Variants in CFAP92 observed in about 807,000 individuals in gnomAD.
CFAP92 encodes the protein uncharacterized protein CFAP92.
Under a neutral mutation model 106.3 loss-of-function variants are expected in CFAP92, and 86 were observed. The observed-to-expected ratio is 0.81, with a 90% CI of 0.68 to 0.97. The LOEUF (loss-of-function observed/expected upper bound fraction) is 0.97. Ranked by LOEUF, CFAP92 falls within the 50% of genes least tolerant of loss-of-function variation. The pLI, the probability that CFAP92 is intolerant of heterozygous loss-of-function variation, is 0.00. For synonymous variants in CFAP92, 477 were observed against 506.4 expected (o/e 0.94, Z 0.78); for missense variants, 1,204 against 1,283.8 (o/e 0.94, Z 0.95).
In CFAP92 at chr3:128,909,948, G is replaced by A; in HGVS notation, c.*351C>T. 1.0e-5 allele frequency: 16 copies of A among 1,588,506 alleles called. No homozygotes were observed. The highest frequency in any genetic ancestry group is 1.4e-5 in the Non-Finnish European group (16 of 1,167,250). On this transcript the variant is annotated 3_prime_UTR_variant, in exon 16 of 16. Transcript: ENST00000645291. ...ACAGGAGACTAAGACAGGCAAAGAT[G>A]CAGCCCAGGGAGGGACCATGTGGGG... is the stretch of plus-strand genomic sequence containing the variant.
At position 128,915,159 on chromosome 3, in the gene CFAP92, G is replaced by A. The variant is rs542804367; in HGVS notation, c.3240C>T (p.Phe1080=). The A allele has an allele frequency of 3.3e-6, 5 of 1,536,148 alleles. No homozygotes were observed. In the African/African-American group the frequency reaches 5.5e-5, roughly 17 times the overall value. ...DFDLYKKPPP[F]LELLPSPAPK... ...GTGCGGGCGAAGGGAGCAGCTCGAG[G>A]AAAGGTGGTGGTTTCTTGTACAGAT... The change falls in exon 15 of 16, where the codon TTC becomes TTT. Residue 1080 remains phenylalanine, a synonymous_variant. Transcript: ENST00000645291.
At position 128,945,415 on chromosome 3, in the gene CFAP92, G is replaced by A. The variant is rs536901237; in HGVS notation, c.1914C>T (p.Ile638=). The part of the protein sequence containing the change: ...ADSQLKLRVD[I]AVPLRAGARA... ...TGGCCCCGGCCCTCAGTGGCACCGC[G>A]ATGTCCACTCGCAACTTGAGCTGGG... The change falls in exon 10 of 16, where the codon ATC becomes ATT. Residue 638 remains isoleucine, a synonymous_variant. Coordinates refer to ENST00000645291, the MANE Select transcript of CFAP92 (RefSeq NM_001394090.1). 1.4e-5 allele frequency: 21 copies of A among 1,536,120 alleles called. No homozygotes were observed. The highest frequency in any genetic ancestry group is 9.6e-5 in the African/African-American group (7 of 73,146).
chr3:128,928,109 C>A (rs149683775), intron 12 of CFAP92, among the ~76,000 whole-genome samples: 1 of 151,766 alleles, frequency 6.6e-6, no homozygotes, highest in Non-Finnish European at 1.5e-5. Context: ...AAAAATTAGC[C>A]GGGAGTGGTG....
At chr3:129,008,573 T>C in the CFAP92 span, among the ~76,000 whole-genome samples, 2 of 152,252 alleles carry the variant, frequency 1.3e-5, no homozygotes, top group African/African-American at 4.8e-5. Flanking sequence ...CAACAGTATT[T>C]TCTAAGCACG....
chr3:128,933,410 GGA>G (rs1357916064), intron 11 of CFAP92, among the ~76,000 whole-genome samples: 1 of 152,168 alleles, frequency 6.6e-6, no homozygotes, highest in Admixed American at 6.5e-5. Context: ...GGAGGAGGCT[GGA>G]GAGAGAGTCC....
chr3:128,970,422 C>T (rs779846913), intron 8 of CFAP92: 6 of 151,944 alleles, frequency 3.9e-5, no homozygotes, highest in African/African-American at 7.3e-5. Context: ...AAAAGACCAA[C>T]GCACGCGCTT....
intron 7 of CFAP92, among the ~76,000 whole-genome samples, chr3:128,973,183 A>G (rs1354705559): frequency 6.6e-6 from 1 of 152,236 alleles, no homozygotes; most frequent in Non-Finnish European, 1.5e-5. Context: ...CAGATCAGTA[A>G]GACAATTTTT....
chr3:129,011,066 G>C, the CFAP92 span, among the ~76,000 whole-genome samples: 2 of 152,202 alleles, frequency 1.3e-5, no homozygotes, highest in East Asian at 3.8e-4. Context: ...GTGTGATGGG[G>C]GAGGCAGCGT....
At chr3:128,959,800 T>TA in intron 9 of CFAP92, among the ~76,000 whole-genome samples, 1 of 152,274 alleles carries the variant, frequency 6.6e-6, no homozygotes, top group East Asian at 1.9e-4. Context: ...TCCTAAATGG[T>TA]AAAATACAGG....
Position 128,975,892 on chromosome 3 carries a change from G to A in CFAP92, c.908C>T (p.Ser303Leu). Residue 303 changes from serine (S) to leucine (L), a missense_variant, in exon 7 of 16, where the codon TCA becomes TTA. Ser to Leu is a moderately radical substitution (Grantham distance 145). Transcript: ENST00000645291. ...DDSSTIQWSV[S>L]RTPTISLAGA... is the part of the protein sequence containing the mutation. ...TGCCAAAGAAATGGTTGGTGTTCTTGAAACACTCCATCTAGAAAATTCACA... is the reference window on the plus strand; with the variant it reads ...TGCCAAAGAAATGGTTGGTGTTCTTAAAACACTCCATCTAGAAAATTCACA... 6.2e-7 allele frequency: 1 copy of A among 1,603,370 alleles called. No individual in the cohort carries two copies. The highest frequency in any genetic ancestry group is 8.5e-7 in the Non-Finnish European group (1 of 1,176,554).
intron 9 of CFAP92, among the ~76,000 whole-genome samples, chr3:128,949,907 G>A (rs1354788019): frequency 2.6e-5 from 4 of 152,068 alleles, no homozygotes; most frequent in Non-Finnish European, 4.4e-5. Context: ...AGGCTGGTCT[G>A]AAACTCCTGA....
intron 9 of CFAP92, among the ~76,000 whole-genome samples, chr3:128,959,139 G>A (rs1283451628): frequency 6.6e-6 from 1 of 152,174 alleles, no homozygotes; most frequent in Non-Finnish European, 1.5e-5. Flanking sequence ...GAACCCAGGA[G>A]GTGGAGGTTG....
upstream of CFAP92, among the ~76,000 whole-genome samples, chr3:128,995,686 G>A (rs992500815): frequency 8.5e-5 from 13 of 152,172 alleles, no homozygotes; most frequent in African/African-American, 3.1e-4. Flanking sequence ...CTCTTCCCAA[G>A]CTCAATAGTG....
At chr3:129,022,221 T>G in the CFAP92 span, among the ~76,000 whole-genome samples, 4,982 of 152,274 alleles carry the variant, frequency 0.033, 270 homozygotes, top group African/African-American at 0.11. Flanking sequence ...TTCATCCTCA[T>G]AGGACCGCCA....
At chr3:128,943,947 T>TA (rs1553747320) in intron 10 of CFAP92, among the ~76,000 whole-genome samples, 1 of 145,548 alleles carries the variant, frequency 6.9e-6, no homozygotes, top group African/African-American at 2.6e-5. Flanking sequence ...TTTTTTAATT[T>TA]GAGACAGGGT....
At chr3:128,964,637 T>G (rs1031090498) in intron 9 of CFAP92, among the ~76,000 whole-genome samples, 1 of 152,228 alleles carries the variant, frequency 6.6e-6, no homozygotes, top group Non-Finnish European at 1.5e-5. Context: ...CTCCCAATTC[T>G]TAGACCTTTT....
intron 2 of CFAP92, among the ~76,000 whole-genome samples, chr3:128,990,303 C>T (rs1944133871): frequency 6.6e-6 from 1 of 152,224 alleles, no homozygotes; most frequent in Non-Finnish European, 1.5e-5. Flanking sequence ...TCCAGACCAG[C>T]CTGGCCAACA....
At chr3:128,968,455 C>G (rs544240017) in intron 8 of CFAP92, 2 of 152,294 alleles carry the variant, frequency 1.3e-5, no homozygotes, top group African/African-American at 2.4e-5. Flanking sequence ...CTGGCAAAAC[C>G]AGACATACAA....
intron 9 of CFAP92, among the ~76,000 whole-genome samples, chr3:128,953,631 G>C (rs1268097698): frequency 0.013 from 865 of 65,240 alleles, 7 homozygotes; most frequent in Non-Finnish European, 0.018. Flanking sequence ...CTCCCTCTCC[G>C]TCTCCCTCTC....
Sources: allele counts gnomAD v4.1 joint callset (sites outside exome capture counted in the v4.1 genomes callset), GRCh38; gene constraint gnomAD v4.1.1; transcripts MANE v1.5; gene names NCBI Gene and HGNC (gene_info 2026-07-23, HGNC 2026-07-21).